TNKS1BP1: variants seen among roughly 807,000 people sequenced by gnomAD.
The protein encoded by TNKS1BP1 is 182 kDa tankyrase-1-binding protein.
Under a neutral mutation model 141.1 loss-of-function variants are expected in TNKS1BP1, and 48 were observed. That is an observed-to-expected ratio of 0.34 (90% CI 0.27 to 0.43). The LOEUF is 0.43. Among genes scored for constraint, TNKS1BP1 ranks in the 20% least tolerant of loss-of-function variants. The probability of loss-of-function intolerance (pLI) is 1.00; values close to 1 mark genes in which losing one functional copy is unlikely to be tolerated. For missense variants in TNKS1BP1, 2,149 were observed against 2,226.0 expected (o/e 0.97, Z 0.70); for synonymous variants, 875 against 898.2 (o/e 0.97, Z 0.46).
intron 1 of TNKS1BP1, 126 bp from the exon 2 acceptor site, chr11:57,322,076 G>A (rs1020857746): frequency 9.2e-6 from 8 of 866,186 alleles, no homozygotes; most frequent in Admixed American, 6.7e-5. Context: ...TGGAGTGGGG[G>A]GGGGGGGGTA....
At chr11:57,320,030 C>CCCCAGAA in intron 3 of TNKS1BP1, 49 bp downstream of exon 3, 1 of 1,553,500 alleles carries the variant, frequency 6.4e-7, no homozygotes, top group Non-Finnish European at 8.8e-7. Flanking sequence ...CAATCCCACC[C>CCCCAGAA]CACCTGACCT....
rs2134341213 is a variant in TNKS1BP1, at chr11:57,299,943, T to C, written c.*151A>G. On this transcript the variant is annotated 3_prime_UTR_variant, in exon 12 of 12. Transcript: ENST00000358252. ...AGTTCGGAGGGTGATACAAAGTGCA[T>C]AAATGTGCCTCCCCAGACGCTCCTC... The C allele has an allele frequency of 6.5e-6, 1 of 154,330 alleles. No homozygotes were observed. Among genetic ancestry groups the C allele is most frequent in the Admixed American group, 6.5e-5 (1 of 15,290 alleles). 9.6% of individuals were successfully genotyped at this position (154,330 alleles called of 1,614,324 possible).
At chr11:57,322,204 C>G in intron 1 of TNKS1BP1, 8 of 1,123,622 alleles carry the variant, frequency 7.1e-6, no homozygotes, top group Non-Finnish European at 8.8e-6. Flanking sequence ...ACTGCTCCCT[C>G]CTCTGACAAG....
rs1490752535 is a variant in TNKS1BP1 at position 57,320,604 on chromosome 11, G to T, written c.203C>A (p.Pro68His). The change falls in exon 3 of 12, where the codon CCC (proline) becomes CAC (histidine). Residue 68 changes from proline (P) to histidine (H), a missense_variant. Pro to His is a moderately conservative substitution (Grantham distance 77). Coordinates refer to ENST00000358252, the MANE Select transcript of TNKS1BP1 (RefSeq NM_033396.3). ...AGGCAACTCAGCCAGGGGACCCCGG[G>T]GAGGCCGAGGCCCAACAGGCACCAG... The part of the protein sequence containing the change: ...SLLVPVGPRP[P>H]RGPLAELPSA... The T allele has an allele frequency of 1.3e-5, 21 of 1,613,884 alleles. No individual in the cohort carries two copies. The highest frequency in any genetic ancestry group is 1.8e-5 in the Non-Finnish European group (21 of 1,180,000).
In TNKS1BP1 at chr11:57,320,671, C is replaced by T; in HGVS notation, c.136G>A (p.Ala46Thr). 1.2e-6 allele frequency: 2 copies of T among 1,608,632 alleles called. No homozygotes were observed. The highest frequency in any genetic ancestry group is 1.7e-6 in the Non-Finnish European group (2 of 1,178,082). ...GGCAGGGCTGGCTTGGCAGGCAGGG[C>T]CCGGGGTTTGGGCTTGACAGGGGGT... ...AKPPVKPKPR[A>T]LPAKPALPAK... The change falls in exon 3 of 12, where the codon GCC becomes ACC. Residue 46 changes from alanine (A) to threonine (T), a missense_variant. Coordinates refer to ENST00000358252, the MANE Select transcript of TNKS1BP1 (RefSeq NM_033396.3).
chr11:57,301,625 C>T (rs543083757), intron 9 of TNKS1BP1, among the ~76,000 whole-genome samples, 182 bp downstream of exon 9: 1 of 152,306 alleles, frequency 6.6e-6, no homozygotes, highest in East Asian at 1.9e-4. Context: ...ATTTGGCACA[C>T]AGCATAGGGC....
chr11:57,308,732 C>G lies in TNKS1BP1; in HGVS notation c.3979G>C (p.Asp1327His), dbSNP rs1855653569. ...LRDLEVTCDP[D>H]SGGSQGLRGC... ...CGTAGCCCCTGAGAACCTCCAGAGT[C>G]TGGGTCACAGGTCACCTCCAAATCC... Residue 1327 changes from aspartate (D) to histidine (H), a missense_variant, in exon 6 of 12, where the codon GAC becomes CAC. Transcript: ENST00000358252. The G allele has an allele frequency of 1.9e-6, 3 of 1,613,810 alleles. No homozygotes were observed. The highest frequency in any genetic ancestry group is 2.5e-6 in the Non-Finnish European group (3 of 1,180,026).
At chr11:57,322,859 C>T (rs1855909310) in intron 1 of TNKS1BP1, among the ~76,000 whole-genome samples, 1 of 152,202 alleles carries the variant, frequency 6.6e-6, no homozygotes, top group Non-Finnish European at 1.5e-5. Context: ...GTGGGCTTCA[C>T]TCACCAGCCT....
intron 3 of TNKS1BP1, 68 bp downstream of exon 3, chr11:57,320,011 G>GCCCCCCCCCCCAACCCCCCC: frequency 4.6e-6 from 6 of 1,296,684 alleles, no homozygotes; most frequent in Non-Finnish European, 6.5e-6. Flanking sequence ...TTGGTCCCCA[G>GCCCCCCCCCCCAACCCCCCC]CCCCCACCCA....
At position 57,324,907 on chromosome 11, in the gene TNKS1BP1, TGCTACCGCCGCCGCCGCC is replaced by T. The variant is rs966679439; in HGVS notation, c.-151_-134del. The stretch of plus-strand genomic sequence containing the variant: ...TGCCAGTCCCCGCCGCCGCCGCCGC[TGCTACCGCCGCCGCCGCC>T]GCCGTCACCGCGGGACGAAGCCACT... On this transcript the variant is annotated 5_prime_UTR_variant, in exon 1 of 12. Transcript: ENST00000358252. The T allele has an allele frequency of 5.1e-6, 5 of 983,378 alleles. No individual in the cohort carries two copies. The highest frequency in any genetic ancestry group is 6.0e-6 in the Non-Finnish European group (5 of 828,322). 60.9% of individuals were successfully genotyped at this position (983,378 alleles called of 1,614,324 possible).
chr11:57,312,936 C>T lies in TNKS1BP1; in HGVS notation c.1752G>A (p.Gln584=). 6.2e-7 allele frequency: 1 copy of T among 1,613,514 alleles called. No homozygotes were observed. Among genetic ancestry groups the T allele is most frequent in the Admixed American group, 1.7e-5 (1 of 59,970 alleles). ...GCGACTCGTATCTCTCCTCTGCCTG[C>T]TGCAAAGGTAATCCAGGTGTGCCCT... The part of the protein sequence containing the change: ...TTEGTPGLPL[Q]QAEERYESQE... Residue 584 remains glutamine, a synonymous_variant, in exon 5 of 12, where the codon CAG becomes CAA. Transcript: ENST00000358252.
chr11:57,319,639 C>G (rs1052858774), intron 3 of TNKS1BP1, among the ~76,000 whole-genome samples: 1 of 151,942 alleles, frequency 6.6e-6, no homozygotes, highest in Non-Finnish European at 1.5e-5. Flanking sequence ...TGGTGGCCCA[C>G]GCCTGTAATC....
At chr11:57,314,942 G>A (rs1372300014) in intron 4 of TNKS1BP1, among the ~76,000 whole-genome samples, 2 of 152,038 alleles carry the variant, frequency 1.3e-5, no homozygotes, top group East Asian at 3.9e-4. Flanking sequence ...TAATGTCAAA[G>A]CTCGTGCCCT....
chr11:57,310,619 A>G, intron 5 of TNKS1BP1, 63 bp from the exon 6 acceptor site: 1 of 1,541,924 alleles, frequency 6.5e-7, no homozygotes. Flanking sequence ...GGTGGGAGTC[A>G]ATCCAGCAGA....
intron 1 of TNKS1BP1, 32 bp from the exon 2 acceptor site, chr11:57,321,982 A>C (rs1480285736): frequency 6.6e-7 from 1 of 1,515,562 alleles, no homozygotes; most frequent in East Asian, 2.4e-5. Flanking sequence ...AAGGAAAAAA[A>C]GAGTTGGGCG....
intron 1 of TNKS1BP1, among the ~76,000 whole-genome samples, chr11:57,324,530 G>A (rs1412089469): frequency 1.3e-5 from 2 of 151,496 alleles, no homozygotes; most frequent in Non-Finnish European, 1.5e-5. Flanking sequence ...AGGGGAGGCA[G>A]GGGTCCCTCC....
intron 1 of TNKS1BP1, 108 bp from the exon 2 acceptor site, chr11:57,322,058 A>T: frequency 6.4e-6 from 3 of 468,892 alleles, no homozygotes; most frequent in Non-Finnish European, 9.0e-6. Context: ...GGACAGGAAG[A>T]GAGAACTTGG....
Position 57,302,215 on chromosome 11 carries a change from T to C in TNKS1BP1, c.4693A>G (p.Ile1565Val). The change falls in exon 8 of 12, where the codon ATC (isoleucine) becomes GTC (valine). Residue 1565 changes from isoleucine to valine, a missense_variant. Coordinates refer to ENST00000358252, the MANE Select transcript of TNKS1BP1 (RefSeq NM_033396.3). This position sits in a 1 kb window ranked among gnomAD's most constrained non-coding sequence, Gnocchi z 5.5. ...QDFSFIEDTE[I>V]LDSAMYRSRA... ...CTCCGATACATGGCACTGTCGAGGA[T>C]CTCGGTGTCCTGCTTGGGGCAATGG... 1 of 1,611,270 alleles carries C rather than the reference T, an allele frequency of 6.2e-7. No homozygotes were observed. Among genetic ancestry groups the C allele is most frequent in the East Asian group, 2.2e-5 (1 of 44,802 alleles).
intron 5 of TNKS1BP1, chr11:57,311,529 GCC>G: frequency 1.1e-6 from 1 of 941,662 alleles, no homozygotes; most frequent in Non-Finnish European, 1.3e-6. Flanking sequence ...GGGCAGCCCC[GCC>G]CAGGAGCCAG....
Sources: gnomAD v4.1 joint callset for allele counts (sites outside exome capture counted in the v4.1 genomes callset) on GRCh38, gnomAD v4.1.1 for gene constraint, Gnocchi (gnomAD v3.1) non-coding constraint, MANE v1.5 for transcripts, NCBI Gene and HGNC (gene_info 2026-07-23, HGNC 2026-07-21) for gene names.